Variants in HS6ST3 observed in about 807,000 individuals in gnomAD.
The protein encoded by HS6ST3 is heparan-sulfate 6-O-sulfotransferase 3.
In HS6ST3, 12 loss-of-function variants were observed where a neutral mutation model predicts 36.7. The observed-to-expected ratio is 0.33, with a 90% CI of 0.21 to 0.53. The LOEUF is 0.53. Ranked by LOEUF, HS6ST3 falls within the 20% of genes least tolerant of loss-of-function variation. The probability of loss-of-function intolerance (pLI) is 0.95; values close to 1 mark genes in which losing one functional copy is unlikely to be tolerated. For missense variants in HS6ST3, 584 were observed against 640.9 expected, an observed-to-expected ratio of 0.91 and a Z score of 0.96; for synonymous variants, 240 against 257.5, an observed-to-expected ratio of 0.93 and a Z score of 0.65.
rs1878526455 is a variant in HS6ST3 at position 96,821,176 on chromosome 13, C to T, written c.708-11314C>T. 2.6e-5 allele frequency among the ~76,000 whole-genome samples: 4 copies of T among 152,206 alleles called. No individual in the cohort carries two copies. In the South Asian group the frequency reaches 8.3e-4, roughly 31 times the overall value. ...TCTTCTAAGCTGTATATATTCAGAG[C>T]ATCCTCTGGATCCATGCACTCCTGT... is the stretch of plus-strand genomic sequence containing the variant. On this transcript the variant is annotated intron_variant, in intron 1 of 1. Transcript: ENST00000376705.
intron 1 of HS6ST3, among the ~76,000 whole-genome samples, chr13:96,156,191 C>T (rs150192393): frequency 9.9e-5 from 15 of 152,266 alleles, no homozygotes; most frequent in African/African-American, 3.6e-4. Flanking sequence ...TATCCCCATT[C>T]TATAGTTGAG....
intron 1 of HS6ST3, among the ~76,000 whole-genome samples, chr13:96,723,916 C>A (rs1875919873): frequency 6.6e-6 from 1 of 152,166 alleles, no homozygotes; most frequent in African/African-American, 2.4e-5. Context: ...TTGTGAAATA[C>A]TTTACCAAGC....
chr13:96,279,890 G>C (rs1159271219), intron 1 of HS6ST3, among the ~76,000 whole-genome samples: 1 of 151,990 alleles, frequency 6.6e-6, no homozygotes, highest in East Asian at 1.9e-4. Flanking sequence ...TATATTTTTT[G>C]CTACTTTAAT....
chr13:96,815,417 A>G (rs565468530), intron 1 of HS6ST3, among the ~76,000 whole-genome samples: 1 of 152,292 alleles, frequency 6.6e-6, no homozygotes, highest in South Asian at 2.1e-4. Context: ...ATTCCCAGGT[A>G]TGGGGCAGTG....
intron 1 of HS6ST3, among the ~76,000 whole-genome samples, chr13:96,372,991 T>A (rs868472523): frequency 2.0e-5 from 3 of 152,326 alleles, no homozygotes; most frequent in South Asian, 4.1e-4. Flanking sequence ...ACCATGCTCC[T>A]TCTGAAGGCT....
At chr13:96,145,143 A>T (rs1418890367) in intron 1 of HS6ST3, among the ~76,000 whole-genome samples, 1 of 134,850 alleles carries the variant, frequency 7.4e-6, no homozygotes, top group Admixed American at 7.5e-5. Context: ...TAGCAGCATG[A>T]TTTATAATCC....
At chr13:96,816,792 G>A (rs1356684137) in intron 1 of HS6ST3, among the ~76,000 whole-genome samples, 1 of 152,126 alleles carries the variant, frequency 6.6e-6, no homozygotes, top group East Asian at 1.9e-4. Context: ...GCTCCAAGAG[G>A]CTTTCTGAGT....
At chr13:96,265,001 A>T (rs2054684678) in intron 1 of HS6ST3, among the ~76,000 whole-genome samples, 1 of 152,268 alleles carries the variant, frequency 6.6e-6, no homozygotes, top group Non-Finnish European at 1.5e-5. Context: ...ATAGAATGAC[A>T]TTGTGGTACT....
rs560735341 is a variant in HS6ST3, at chr13:96,474,715, C to T, written c.708-357775C>T. 1.8e-3 allele frequency among the ~76,000 whole-genome samples: 271 copies of T among 152,266 alleles called. 2 individuals carry two copies. Among genetic ancestry groups the T allele is most frequent in the African/African-American group, 6.3e-3 (262 of 41,560 alleles). On this transcript the variant is annotated intron_variant, in intron 1 of 1. Coordinates refer to ENST00000376705, the MANE Select transcript of HS6ST3 (RefSeq NM_153456.4). ...ATCAGAAGCCCAGAAAAAACGACCTCTCTGGAATGTTTGCCCAGGGAGGCT... is the reference window on the plus strand; with the variant it reads ...ATCAGAAGCCCAGAAAAAACGACCTTTCTGGAATGTTTGCCCAGGGAGGCT...
intron 1 of HS6ST3, among the ~76,000 whole-genome samples, chr13:96,743,353 C>G (rs574115409): frequency 5.3e-4 from 81 of 152,186 alleles, no homozygotes; most frequent in African/African-American, 1.9e-3. Context: ...GGATATTGAA[C>G]AGTCACTCGG....
At chr13:96,681,116 C>T (rs1165614808) in intron 1 of HS6ST3, among the ~76,000 whole-genome samples, 1 of 152,190 alleles carries the variant, frequency 6.6e-6, no homozygotes, top group Non-Finnish European at 1.5e-5. Context: ...GGGTTCTCCA[C>T]AGTTTTCACT....
intron 1 of HS6ST3, among the ~76,000 whole-genome samples, chr13:96,425,823 ATGG>A (rs959001199): frequency 1.3e-5 from 2 of 152,070 alleles, no homozygotes; most frequent in Non-Finnish European, 2.9e-5. Context: ...CATATCACAA[ATGG>A]TGGCTTCCAG....
At chr13:96,353,975 T>G (rs1010972055) in intron 1 of HS6ST3, among the ~76,000 whole-genome samples, 1 of 152,182 alleles carries the variant, frequency 6.6e-6, no homozygotes, top group African/African-American at 2.4e-5. Flanking sequence ...ACTGGCATTA[T>G]CTCTCAAAAT....
At chr13:96,812,195 T>C (rs1332177041) in intron 1 of HS6ST3, among the ~76,000 whole-genome samples, 1 of 152,204 alleles carries the variant, frequency 6.6e-6, no homozygotes, top group Non-Finnish European at 1.5e-5. Context: ...TACAGATGGC[T>C]TGGGGTGGCA....
chr13:96,653,747 T>C (rs974317082), intron 1 of HS6ST3, among the ~76,000 whole-genome samples: 3 of 152,150 alleles, frequency 2.0e-5, no homozygotes, highest in African/African-American at 7.2e-5. Flanking sequence ...CTGGGTCAAA[T>C]GGTATTTCTG....
chr13:96,163,354 T>C (rs540379269), intron 1 of HS6ST3, among the ~76,000 whole-genome samples: 17 of 151,080 alleles, frequency 1.1e-4, no homozygotes, highest in Admixed American at 3.3e-4. Context: ...CTTAGCCTCC[T>C]GAGTATCTGG....
intron 1 of HS6ST3, among the ~76,000 whole-genome samples, chr13:96,464,087 C>CTTAAGTTT (rs1469908187): frequency 4.2e-5 from 4 of 94,382 alleles, no homozygotes. Context: ...AAGCTTGAAA[C>CTTAAGTTT]TTAAGTTTGT....
At chr13:96,579,220 G>A (rs1413458588) in intron 1 of HS6ST3, among the ~76,000 whole-genome samples, 1 of 152,120 alleles carries the variant, frequency 6.6e-6, no homozygotes, top group Non-Finnish European at 1.5e-5. Context: ...TCCATAATGT[G>A]TTGACAGCTA....
chr13:96,604,487 A>G (rs145781032), intron 1 of HS6ST3, among the ~76,000 whole-genome samples: 1 of 152,158 alleles, frequency 6.6e-6, no homozygotes, highest in Non-Finnish European at 1.5e-5. Context: ...TATCAGATAC[A>G]TTTGTTTTGG....
Sources: allele counts gnomAD v4.1 joint callset (sites outside exome capture counted in the v4.1 genomes callset), GRCh38; gene constraint gnomAD v4.1.1; transcripts MANE v1.5; gene names NCBI Gene and HGNC (gene_info 2026-07-23, HGNC 2026-07-21).